The following CREB5 variants were observed in gnomAD, a reference collection of about 807,000 sequenced individuals.
CREB5 encodes cyclic AMP-responsive element-binding protein 5.
In CREB5, 19 loss-of-function variants were observed where a neutral mutation model predicts 57.1. The observed-to-expected ratio is 0.33, with a 90% CI of 0.23 to 0.49. CREB5 has a LOEUF of 0.49. Ranked by LOEUF, CREB5 falls within the 20% of genes least tolerant of loss-of-function variation. CREB5 has a pLI of 0.99. For synonymous variants in CREB5, 238 were observed against 238.3 expected, an observed-to-expected ratio of 1.00 and a Z score of 0.01; for missense variants, 579 against 671.6, an observed-to-expected ratio of 0.86 and a Z score of 1.52.
intron 1 of CREB5, among the ~76,000 whole-genome samples, chr7:28,351,687 G>A (rs974843174): frequency 2.0e-5 from 3 of 151,974 alleles, no homozygotes; most frequent in South Asian, 2.1e-4. Flanking sequence ...TCTGAGCCAC[G>A]AAGCTGAATT....
chr7:28,304,507 T>G (rs1418235891), intron 1 of CREB5, among the ~76,000 whole-genome samples: 1 of 152,174 alleles, frequency 6.6e-6, no homozygotes, highest in East Asian at 1.9e-4. Flanking sequence ...AGCCTGCTGG[T>G]GGGAGTATTT....
intron 1 of CREB5, among the ~76,000 whole-genome samples, chr7:28,300,728 T>G (rs979254054): frequency 3.9e-5 from 6 of 152,234 alleles, no homozygotes; most frequent in African/African-American, 1.4e-4. Context: ...GGAACTAATA[T>G]GATTTTTTTA....
chr7:28,443,370 A>T (rs922298888), intron 1 of CREB5, among the ~76,000 whole-genome samples: 1 of 152,102 alleles, frequency 6.6e-6, no homozygotes, highest in Non-Finnish European at 1.5e-5. Flanking sequence ...CTCCCAAGGG[A>T]GATATCTTTA....
At chr7:28,492,246 C>T (rs942065733) in intron 2 of CREB5, among the ~76,000 whole-genome samples, 6 of 152,322 alleles carry the variant, frequency 3.9e-5, no homozygotes, top group East Asian at 3.9e-4. Context: ...GTGATCCATC[C>T]GCCTCGGCTT....
intron 7 of CREB5, among the ~76,000 whole-genome samples, chr7:28,728,241 A>G (rs1803433468): frequency 1.3e-5 from 2 of 152,148 alleles, no homozygotes; most frequent in Admixed American, 6.5e-5. Flanking sequence ...TGCCTGGCCT[A>G]TTGTCCCCAC....
chr7:28,500,979 A>C (rs898434265), intron 3 of CREB5, among the ~76,000 whole-genome samples: 5 of 152,158 alleles, frequency 3.3e-5, no homozygotes, highest in African/African-American at 4.8e-5. Context: ...GCAGCATGGT[A>C]ATAATACTAG....
At chr7:28,392,186 T>G (rs1351354815) in intron 1 of CREB5, among the ~76,000 whole-genome samples, 6 of 152,118 alleles carry the variant, frequency 3.9e-5, no homozygotes, top group Non-Finnish European at 7.4e-5. Flanking sequence ...AGGCTTAGTA[T>G]TTGGGTGATG....
intron 5 of CREB5, among the ~76,000 whole-genome samples, chr7:28,683,038 T>A (rs1476677479): frequency 2.0e-5 from 3 of 152,172 alleles, no homozygotes. Context: ...AGGAGGGTGT[T>A]GTAAGCATTC....
At chr7:28,818,015 T>C (rs1030656026) in intron 9 of CREB5, 56 bp from the exon 10 acceptor site, 3 of 1,348,880 alleles carry the variant, frequency 2.2e-6, no homozygotes, top group Non-Finnish European at 3.1e-6. Context: ...TGCACAGGGC[T>C]GTGGGTTTGT....
chr7:28,304,932 G>A (rs1426303555), intron 1 of CREB5, among the ~76,000 whole-genome samples: 2 of 152,154 alleles, frequency 1.3e-5, no homozygotes, highest in African/African-American at 4.8e-5. Flanking sequence ...CTCCGGGCAG[G>A]ATATGTACTC....
intron 1 of CREB5, among the ~76,000 whole-genome samples, chr7:28,383,810 T>C (rs767575708): frequency 2.0e-5 from 3 of 152,120 alleles, no homozygotes; most frequent in Non-Finnish European, 4.4e-5. Context: ...AGTAGCCAAT[T>C]TGGGGAGTAC....
At chr7:28,643,466 C>T (rs1353415300) in intron 5 of CREB5, among the ~76,000 whole-genome samples, 1 of 152,154 alleles carries the variant, frequency 6.6e-6, no homozygotes, top group African/African-American at 2.4e-5. Flanking sequence ...CCCATAGTAA[C>T]CTTTGGCTGT....
chr7:28,306,414 T>C (rs1322473786), intron 1 of CREB5, among the ~76,000 whole-genome samples: 3 of 152,206 alleles, frequency 2.0e-5, no homozygotes, highest in Admixed American at 6.5e-5. Flanking sequence ...TCTGAAACTA[T>C]AGCCCATTCC....
At chr7:28,723,259 T>C (rs1803143453) in intron 6 of CREB5, among the ~76,000 whole-genome samples, 2 of 152,248 alleles carry the variant, frequency 1.3e-5, no homozygotes, top group African/African-American at 4.8e-5. Flanking sequence ...TGATTTATTC[T>C]TATTCTTTTA....
intron 5 of CREB5, among the ~76,000 whole-genome samples, chr7:28,703,753 C>T (rs544794099): frequency 6.5e-4 from 99 of 152,282 alleles, no homozygotes; most frequent in African/African-American, 2.3e-3. Context: ...TGAAGCCCAC[C>T]CACATTGGGG....
chr7:28,411,154 G>C (rs1318084214), upstream of CREB5, among the ~76,000 whole-genome samples: 1 of 152,190 alleles, frequency 6.6e-6, no homozygotes, highest in Non-Finnish European at 1.5e-5. Context: ...TGATAGAAAA[G>C]GCAAATCAGG....
chr7:28,490,143 TC>T (rs773449423), intron 2 of CREB5, among the ~76,000 whole-genome samples: 1 of 152,248 alleles, frequency 6.6e-6, no homozygotes, highest in Non-Finnish European at 1.5e-5. Context: ...CTACTATGTG[TC>T]AGGCAATCTG....
intron 5 of CREB5, among the ~76,000 whole-genome samples, chr7:28,600,557 G>C (rs1344840803): frequency 4.6e-5 from 7 of 152,202 alleles, no homozygotes; most frequent in Non-Finnish European, 4.4e-5. Flanking sequence ...GCTGGCTAAT[G>C]CGCTATTCAT....
chr7:28,714,333 T>A (rs980541297), intron 5 of CREB5, among the ~76,000 whole-genome samples: 3 of 151,832 alleles, frequency 2.0e-5, no homozygotes, highest in African/African-American at 7.3e-5. Flanking sequence ...CTAACCTACT[T>A]TTTTTTTGCA....
Sources: gnomAD v4.1 joint callset for allele counts (sites outside exome capture counted in the v4.1 genomes callset) on GRCh38, gnomAD v4.1.1 for gene constraint, MANE v1.5 for transcripts, NCBI Gene and HGNC (gene_info 2026-07-23, HGNC 2026-07-21) for gene names.